ZC2HC1B: variants seen among roughly 807,000 people sequenced by gnomAD.
ZC2HC1B encodes the protein zinc finger C2HC-type containing 1B.
ZC2HC1B carries 36 observed loss-of-function variants against 31.0 expected under a neutral mutation model. That is an observed-to-expected ratio of 1.16 (90% CI 0.89 to 1.54). ZC2HC1B has a LOEUF of 1.54. Among genes scored for constraint, ZC2HC1B ranks in the 40% most tolerant of loss-of-function variants. The pLI, the probability that ZC2HC1B is intolerant of heterozygous loss-of-function variation, is 0.00. For missense variants in ZC2HC1B, 260 were observed against 268.6 expected, an observed-to-expected ratio of 0.97 and a Z score of 0.22; for synonymous variants, 73 against 88.0, an observed-to-expected ratio of 0.83 and a Z score of 0.95.
chr6:143,901,421 G>C (rs1166655300), intron 5 of ZC2HC1B, among the ~76,000 whole-genome samples: 3 of 151,010 alleles, frequency 2.0e-5, no homozygotes, highest in Non-Finnish European at 4.4e-5. Context: ...CACCATGCCT[G>C]GCTACCTTTT....
At position 143,895,272 on chromosome 6, in the gene ZC2HC1B, C is replaced by T. The variant is rs1641823120; in HGVS notation, c.350-3280C>T. On this transcript the variant is annotated intron_variant, in intron 4 of 7. Coordinates refer to ENST00000237275, the MANE Select transcript of ZC2HC1B (RefSeq NM_001013623.3). The surrounding 1 kb of genome is among the most constrained non-coding windows in gnomAD (Gnocchi z 4.8). ...CCGCCTCCCAGGTTCAAGCAATTCTCCTGTTTCAGCCTCCTGAGTAGCTGG... is the reference window on the plus strand; with the variant it reads ...CCGCCTCCCAGGTTCAAGCAATTCTTCTGTTTCAGCCTCCTGAGTAGCTGG... 1.3e-5 allele frequency among the ~76,000 whole-genome samples: 2 copies of T among 152,170 alleles called. No homozygotes were observed. The highest frequency in any genetic ancestry group is 4.1e-4 in the South Asian group (2 of 4,832).
chr6:143,896,303 C>T (rs1277631885), intron 4 of ZC2HC1B, among the ~76,000 whole-genome samples: 5 of 152,178 alleles, frequency 3.3e-5, no homozygotes, highest in African/African-American at 9.7e-5. Flanking sequence ...AGTGAATGAG[C>T]AAGTGGGATT....
At chr6:143,931,344 A>T (rs748053454) in intron 6 of ZC2HC1B, among the ~76,000 whole-genome samples, 1 of 152,116 alleles carries the variant, frequency 6.6e-6, no homozygotes, top group Non-Finnish European at 1.5e-5. Context: ...TTTATTCTTC[A>T]TGCTAGATGT....
rs183217076 is a variant in ZC2HC1B, at chr6:143,908,010, C to T, written c.598+4858C>T. On this transcript the variant is annotated intron_variant, in intron 6 of 7. Transcript: ENST00000237275. The surrounding 1 kb of genome is among the most constrained non-coding windows in gnomAD (Gnocchi z 4.4). Reference sequence around the variant, plus strand: ...TCTCTGCATATGGCTGGCCAGTTATCCCAGCACCATTTATTAAATAAAGAA... The same window carrying T: ...TCTCTGCATATGGCTGGCCAGTTATTCCAGCACCATTTATTAAATAAAGAA... Among the ~76,000 whole-genome samples, 255 of 152,298 alleles carry T rather than the reference C, an allele frequency of 1.7e-3. No homozygotes were observed. The highest frequency in any genetic ancestry group is 2.5e-3 in the Admixed American group (38 of 15,296).
At chr6:143,891,016 A>G (rs1284528892) in intron 4 of ZC2HC1B, among the ~76,000 whole-genome samples, 1 of 151,674 alleles carries the variant, frequency 6.6e-6, no homozygotes, top group Non-Finnish European at 1.5e-5. Flanking sequence ...CTGTAATCCC[A>G]GTTACTCGGG....
At position 143,886,258 on chromosome 6, in the gene ZC2HC1B, TG is replaced by T; in HGVS notation, c.210+108del. On this transcript the variant is annotated intron_variant, in intron 3 of 7. Transcript: ENST00000237275. The surrounding 1 kb of genome is among the most constrained non-coding windows in gnomAD (Gnocchi z 4.2). ...TTTGCTTGATAATACAGTAATGTAA[TG>T]TAACTGTAATCCACCTTTACTTTTT... 1 of 1,183,762 alleles carries T rather than the reference TG, an allele frequency of 8.4e-7. No homozygotes were observed. Among genetic ancestry groups the T allele is most frequent in the Non-Finnish European group, 1.1e-6 (1 of 915,458 alleles). 73.3% of individuals were successfully genotyped at this position (1,183,762 alleles called of 1,614,324 possible). A position where few individuals can be genotyped will look rare whatever the true frequency, so the allele number is the denominator to read the frequency against.
intron 6 of ZC2HC1B, among the ~76,000 whole-genome samples, chr6:143,930,416 T>G (rs1367966892): frequency 6.7e-6 from 1 of 148,486 alleles, no homozygotes; most frequent in East Asian, 2.0e-4. Flanking sequence ...AGACGGAGTC[T>G]TGCTCTGTCG....
At position 143,934,883 on chromosome 6, in the gene ZC2HC1B, C is replaced by T. The variant is rs1301623662; in HGVS notation, c.599-2766C>T. 6.6e-6 allele frequency among the ~76,000 whole-genome samples: 1 copy of T among 152,134 alleles called. No individual in the cohort carries two copies. Among genetic ancestry groups the T allele is most frequent in the Non-Finnish European group, 1.5e-5 (1 of 68,026 alleles). ...TGGGACCCCAGGTAGCATACGTGGG[C>T]ACTGGTGTTAGCAGGTCCAGGCAGA... On this transcript the variant is annotated intron_variant, in intron 6 of 7. Transcript: ENST00000237275. This position sits in a 1 kb window ranked among gnomAD's most constrained non-coding sequence, Gnocchi z 4.6.
chr6:143,888,869 G>C (rs1777564103), intron 4 of ZC2HC1B, among the ~76,000 whole-genome samples: 1 of 151,864 alleles, frequency 6.6e-6, no homozygotes, highest in Non-Finnish European at 1.5e-5. Context: ...CTTCCCAATT[G>C]ATATGTCTTT....
intron 6 of ZC2HC1B, among the ~76,000 whole-genome samples, chr6:143,919,215 CTCTGTGTGTGTGTG>C (rs1466445727): frequency 8.1e-6 from 1 of 124,070 alleles, no homozygotes; most frequent in East Asian, 2.2e-4. Context: ...GTTTGCTATT[CTCTGTGTGTGTGTG>C]TGTGTGTGTG....
At chr6:143,867,627 A>T (rs1777280504) in intron 1 of ZC2HC1B, among the ~76,000 whole-genome samples, 1 of 152,214 alleles carries the variant, frequency 6.6e-6, no homozygotes, top group Non-Finnish European at 1.5e-5. Context: ...TGATCTAGAG[A>T]TCAGGACACA....
intron 6 of ZC2HC1B, among the ~76,000 whole-genome samples, chr6:143,906,504 C>T (rs1046203123): frequency 4.0e-5 from 6 of 151,782 alleles, no homozygotes. Context: ...ATTGCAGTGG[C>T]GAAATCTTAG....
intron 1 of ZC2HC1B, among the ~76,000 whole-genome samples, chr6:143,877,682 CCTGT>C (rs1256497823): frequency 2.7e-5 from 4 of 149,800 alleles, no homozygotes; most frequent in Non-Finnish European, 4.4e-5. Context: ...TTTGGAAATT[CCTGT>C]CTGTTTGCTC....
intron 6 of ZC2HC1B, among the ~76,000 whole-genome samples, chr6:143,907,106 C>A (rs993374270): frequency 6.6e-6 from 1 of 152,170 alleles, no homozygotes; most frequent in African/African-American, 2.4e-5. Flanking sequence ...GCAAAGGACA[C>A]CATCTCATTC....
In ZC2HC1B at chr6:143,924,848, G is replaced by C. The variant is rs1778016573; in HGVS notation, c.599-12801G>C. Reference sequence around the variant, plus strand: ...CATGGGTGGAACCATCCTTTCATCTGATGTATTATCCTTTTATGGTGCTGT... The same window carrying C: ...CATGGGTGGAACCATCCTTTCATCTCATGTATTATCCTTTTATGGTGCTGT... On this transcript the variant is annotated intron_variant, in intron 6 of 7. Transcript: ENST00000237275. The surrounding 1 kb of genome is among the most constrained non-coding windows in gnomAD (Gnocchi z 5.2). Among the ~76,000 whole-genome samples the C allele has an allele frequency of 6.6e-6, 1 of 152,094 alleles. No individual in the cohort carries two copies. The highest frequency in any genetic ancestry group is 1.5e-5 in the Non-Finnish European group (1 of 67,988).
At chr6:143,925,169 T>TC (rs1403704303) in intron 6 of ZC2HC1B, among the ~76,000 whole-genome samples, 60 of 58,956 alleles carry the variant, frequency 1.0e-3, no homozygotes, top group African/African-American at 3.8e-3. Flanking sequence ...TCATTCCTTT[T>TC]TTTTTTTTTT....
At chr6:143,890,585 A>G (rs1295091779) in intron 4 of ZC2HC1B, among the ~76,000 whole-genome samples, 1 of 152,160 alleles carries the variant, frequency 6.6e-6, no homozygotes, top group Admixed American at 6.5e-5. Flanking sequence ...TGTACTATTG[A>G]TAATGCTCAG....
At chr6:143,879,253 A>C (rs1777440726) in intron 1 of ZC2HC1B, among the ~76,000 whole-genome samples, 1 of 152,158 alleles carries the variant, frequency 6.6e-6, no homozygotes, top group African/African-American at 2.4e-5. Context: ...AAGTCCTCCA[A>C]GTCAGTTACA....
Position 143,898,639 on chromosome 6 carries a change from G to A in ZC2HC1B, c.437G>A (p.Arg146His), listed in dbSNP as rs1315042817. The A allele has an allele frequency of 7.7e-6, 12 of 1,551,826 alleles. No homozygotes were observed. The highest frequency in any genetic ancestry group is 3.3e-4 in the Middle Eastern group (2 of 6,012). The stretch of plus-strand genomic sequence containing the variant: ...AATTTCTGCAAGGATCAGTCTTCTC[G>A]CCGAGTCTTTAATCCAGCTCAGACA... ...HTNFCKDQSSRRVFNPAQTAA... is the reference protein window; with the variant it reads ...HTNFCKDQSSHRVFNPAQTAA... The change falls in exon 5 of 8, where the codon CGC (arginine) becomes CAC (histidine). Residue 146 changes from arginine to histidine, a missense_variant. Arg to His is a conservative substitution (Grantham distance 29). Coordinates refer to ENST00000237275, the MANE Select transcript of ZC2HC1B (RefSeq NM_001013623.3).
Sources: allele counts gnomAD v4.1 joint callset (sites outside exome capture counted in the v4.1 genomes callset), GRCh38; gene constraint gnomAD v4.1.1; non-coding constraint Gnocchi (gnomAD v3.1); transcripts MANE v1.5; gene names NCBI Gene and HGNC (gene_info 2026-07-23, HGNC 2026-07-21).